Variants in RHBDD1 observed in about 807,000 individuals in gnomAD.
RHBDD1 encodes the protein rhomboid-related protein 4.
RHBDD1 carries 38 observed loss-of-function variants against 36.3 expected under a neutral mutation model. The ratio of observed to expected loss-of-function variants is 1.05; its 90% CI spans 0.81 to 1.37. The LOEUF (loss-of-function observed/expected upper bound fraction) is 1.37. Ranked by LOEUF, RHBDD1 falls within the 40% of genes most tolerant of loss-of-function variation. The probability of loss-of-function intolerance (pLI) is 0.00; values close to 1 mark genes in which losing one functional copy is unlikely to be tolerated. For synonymous variants in RHBDD1, 151 were observed against 136.5 expected (o/e 1.11, Z -0.74); for missense variants, 393 against 377.6 (o/e 1.04, Z -0.34).
intron 8 of RHBDD1, among the ~76,000 whole-genome samples, chr2:226,970,974 C>T (rs549219895): frequency 1.4e-4 from 22 of 152,222 alleles, no homozygotes; most frequent in African/African-American, 4.6e-4. Flanking sequence ...CCACAGATCC[C>T]GTGTATAATA....
At chr2:226,868,310 T>A (rs142742333) in intron 5 of RHBDD1, among the ~76,000 whole-genome samples, 1 of 152,310 alleles carries the variant, frequency 6.6e-6, no homozygotes, top group Non-Finnish European at 1.5e-5. Context: ...AAGAGACTTA[T>A]CAACAAACAG....
chr2:226,884,312 A>G (rs1946036703), intron 5 of RHBDD1, among the ~76,000 whole-genome samples: 1 of 152,088 alleles, frequency 6.6e-6, no homozygotes, highest in Admixed American at 6.6e-5. Flanking sequence ...TAAAATGAAG[A>G]CAGTTGGGGC....
At chr2:226,928,059 T>C (rs188566873) in intron 8 of RHBDD1, among the ~76,000 whole-genome samples, 3 of 152,242 alleles carry the variant, frequency 2.0e-5, no homozygotes, top group Admixed American at 1.3e-4. Context: ...TTTTAGGAGT[T>C]CCATGGTCTT....
chr2:226,835,430 T>G (rs1266598058), upstream of RHBDD1, among the ~76,000 whole-genome samples: 1 of 152,230 alleles, frequency 6.6e-6, no homozygotes, highest in Non-Finnish European at 1.5e-5. Flanking sequence ...CCCAAGCTTC[T>G]GGGAGTGAAA....
At chr2:226,888,257 G>A (rs1015201613) in intron 5 of RHBDD1, among the ~76,000 whole-genome samples, 3 of 152,038 alleles carry the variant, frequency 2.0e-5, no homozygotes, top group African/African-American at 4.8e-5. Flanking sequence ...CTCGACAAAC[G>A]GATGCTATAA....
intron 8 of RHBDD1, among the ~76,000 whole-genome samples, chr2:226,941,204 G>T (rs945547337): frequency 2.0e-5 from 3 of 152,224 alleles, no homozygotes; most frequent in Non-Finnish European, 4.4e-5. Flanking sequence ...GATCTCAGGT[G>T]ATCCACCCGC....
At chr2:226,938,998 C>T (rs1470765425) in intron 8 of RHBDD1, among the ~76,000 whole-genome samples, 1 of 152,108 alleles carries the variant, frequency 6.6e-6, no homozygotes, top group African/African-American at 2.4e-5. Flanking sequence ...AAACATAATT[C>T]ATCACACAAA....
chr2:226,808,859 G>C, the RHBDD1 span, among the ~76,000 whole-genome samples: 1 of 150,290 alleles, frequency 6.7e-6, no homozygotes, highest in South Asian at 2.1e-4. Context: ...CTTGATGGAA[G>C]TAGTGTCAAA....
chr2:226,829,786 A>G, the RHBDD1 span, among the ~76,000 whole-genome samples: 2 of 152,196 alleles, frequency 1.3e-5, no homozygotes, highest in Middle Eastern at 3.2e-3. Context: ...GATTTTCTAC[A>G]TATCAGGTGA....
At chr2:226,883,402 A>G (rs1945940216) in intron 5 of RHBDD1, among the ~76,000 whole-genome samples, 1 of 152,260 alleles carries the variant, frequency 6.6e-6, no homozygotes, top group Non-Finnish European at 1.5e-5. Context: ...AGAGGGGGCC[A>G]GCCATGGAGG....
At chr2:226,843,622 C>T (rs950838864) in intron 3 of RHBDD1, among the ~76,000 whole-genome samples, 1 of 152,174 alleles carries the variant, frequency 6.6e-6, no homozygotes, top group African/African-American at 2.4e-5. Flanking sequence ...ATGAAGCCAA[C>T]TTGATCGTGG....
chr2:226,867,381 CA>C, intron 5 of RHBDD1, 63 bp downstream of exon 5: 1 of 1,519,350 alleles, frequency 6.6e-7, no homozygotes, highest in Non-Finnish European at 8.9e-7. Context: ...AAAAAAATTG[CA>C]ATAATAATGA....
intron 5 of RHBDD1, among the ~76,000 whole-genome samples, chr2:226,904,759 C>A (rs1310830750): frequency 6.6e-6 from 1 of 152,160 alleles, no homozygotes; most frequent in African/African-American, 2.4e-5. Context: ...AACCATCTTG[C>A]TTGTGGTGTT....
At chr2:226,877,119 A>C (rs1945301005) in intron 5 of RHBDD1, among the ~76,000 whole-genome samples, 1 of 152,156 alleles carries the variant, frequency 6.6e-6, no homozygotes, top group Non-Finnish European at 1.5e-5. Flanking sequence ...TTGCACTACT[A>C]ATTTGGCATG....
intron 6 of RHBDD1, among the ~76,000 whole-genome samples, chr2:226,907,858 T>C (rs943295248): frequency 6.6e-6 from 1 of 152,204 alleles, no homozygotes; most frequent in East Asian, 1.9e-4. Context: ...ATTGAAAATG[T>C]CCAGTTTTAT....
chr2:226,803,577 G>A, the RHBDD1 span, among the ~76,000 whole-genome samples: 2,701 of 152,140 alleles, frequency 0.018, 53 homozygotes, highest in African/African-American at 0.062. Context: ...AACTTACATC[G>A]AAAATGGCAG....
At chr2:226,960,021 T>G (rs1952068487) in intron 8 of RHBDD1, among the ~76,000 whole-genome samples, 1 of 152,104 alleles carries the variant, frequency 6.6e-6, no homozygotes, top group South Asian at 2.1e-4. Flanking sequence ...CATGGGGTTT[T>G]ACCGTATTAG....
chr2:226,839,646 C>T lies in RHBDD1; in HGVS notation c.-91+19C>T, dbSNP rs1043544070. 6.6e-6 allele frequency: 1 copy of T among 151,942 alleles called. No individual in the cohort carries two copies. The highest frequency in any genetic ancestry group is 1.9e-4 in the East Asian group (1 of 5,194). 9.4% of individuals were successfully genotyped at this position (151,942 alleles called of 1,614,324 possible). A position where few individuals can be genotyped will look rare whatever the true frequency, so the allele number is the denominator to read the frequency against. On this transcript the variant is annotated intron_variant, in intron 3 of 8. Coordinates refer to ENST00000392062, the MANE Select transcript of RHBDD1 (RefSeq NM_001167608.3). The stretch of plus-strand genomic sequence containing the variant: ...AATTCTGGTAAGTGGGATTCACAAA[C>T]TTGTTCTGAAGACAATTTCCAAGGT...
At chr2:226,972,850 C>T (rs1471637566) in intron 8 of RHBDD1, among the ~76,000 whole-genome samples, 2 of 148,712 alleles carry the variant, frequency 1.3e-5, no homozygotes, top group Non-Finnish European at 3.0e-5. Flanking sequence ...TAGGTAAGTA[C>T]ACAAGTTACC....
Sources: gnomAD v4.1 joint callset for allele counts (sites outside exome capture counted in the v4.1 genomes callset) on GRCh38, gnomAD v4.1.1 for gene constraint, MANE v1.5 for transcripts, NCBI Gene and HGNC (gene_info 2026-07-23, HGNC 2026-07-21) for gene names.